RANBP2: variants seen among roughly 807,000 people sequenced by gnomAD.
RANBP2 encodes RAN binding protein 2.
In RANBP2, 57 loss-of-function variants were observed where a neutral mutation model predicts 303.6. The observed-to-expected ratio is 0.19, with a 90% CI of 0.15 to 0.23. The LOEUF is 0.23. Ranked by LOEUF, RANBP2 falls within the 10% of genes least tolerant of loss-of-function variation. The pLI, the probability that RANBP2 is intolerant of heterozygous loss-of-function variation, is 1.00. For synonymous variants in RANBP2, 1,167 were observed against 1,301.5 expected, an observed-to-expected ratio of 0.90 and a Z score of 2.23; for missense variants, 3,138 against 3,780.8, an observed-to-expected ratio of 0.83 and a Z score of 4.46.
the RANBP2 span, chr2:109,437,082 A>G: frequency 6.2e-7 from 1 of 1,613,630 alleles, no homozygotes. Flanking sequence ...CGCCCCCAAC[A>G]GGCAGCTGTC....
At chr2:109,286,280 A>C in the RANBP2 span, among the ~76,000 whole-genome samples, 2 of 152,190 alleles carry the variant, frequency 1.3e-5, no homozygotes, top group Non-Finnish European at 2.9e-5. Context: ...CCTTATGATG[A>C]TGGAAAAGTG....
the RANBP2 span, among the ~76,000 whole-genome samples, chr2:109,073,800 G>C: frequency 1.3e-5 from 2 of 151,008 alleles, no homozygotes; most frequent in African/African-American, 4.8e-5. Context: ...TATGATATCA[G>C]TAACACAGAA....
chr2:109,646,415 C>T, the RANBP2 span, among the ~76,000 whole-genome samples: 1 of 152,138 alleles, frequency 6.6e-6, no homozygotes, highest in Admixed American at 6.6e-5. Flanking sequence ...CTGCATCATG[C>T]CCAACCACAC....
chr2:109,282,976 A>G, the RANBP2 span, among the ~76,000 whole-genome samples: 1 of 151,968 alleles, frequency 6.6e-6, no homozygotes, highest in East Asian at 1.9e-4. Context: ...CCTGGGTCCT[A>G]CTCCCTCACG....
chr2:108,788,293 G>C (rs1487306723), downstream of RANBP2, among the ~76,000 whole-genome samples: 2 of 151,310 alleles, frequency 1.3e-5, no homozygotes, highest in South Asian at 2.1e-4. Context: ...GGTGGCGGGC[G>C]CCTGTAATCC....
the RANBP2 span, among the ~76,000 whole-genome samples, chr2:109,370,217 CTCTG>C: frequency 2.7e-5 from 4 of 149,134 alleles, no homozygotes; most frequent in African/African-American, 5.1e-5. Context: ...CTGTCTCTGT[CTCTG>C]TCTCTGTCTC....
At chr2:109,249,406 G>C in the RANBP2 span, among the ~76,000 whole-genome samples, 1 of 152,130 alleles carries the variant, frequency 6.6e-6, no homozygotes, top group Non-Finnish European at 1.5e-5. Flanking sequence ...AGAGGATCTG[G>C]AGAATTGTTG....
the RANBP2 span, among the ~76,000 whole-genome samples, chr2:109,469,765 A>G: frequency 6.6e-6 from 1 of 152,196 alleles, no homozygotes; most frequent in African/African-American, 2.4e-5. Flanking sequence ...AAGAACCCCC[A>G]GATCTCATGA....
the RANBP2 span, among the ~76,000 whole-genome samples, chr2:109,242,584 C>T: frequency 6.6e-6 from 1 of 152,196 alleles, no homozygotes; most frequent in Non-Finnish European, 1.5e-5. Flanking sequence ...CCCAGGCCGG[C>T]CTAGCCCAAA....
chr2:109,773,067 A>G, the RANBP2 span, among the ~76,000 whole-genome samples: 1 of 152,252 alleles, frequency 6.6e-6, no homozygotes, highest in Non-Finnish European at 1.5e-5. Context: ...GAAGTTTACT[A>G]AAGATCCTGA....
chr2:109,617,731 A>T, the RANBP2 span: 1 of 166,840 alleles, frequency 6.0e-6, no homozygotes, highest in Non-Finnish European at 1.5e-5. Context: ...TTAAAGATGG[A>T]TGAAAGGCCA....
chr2:109,665,147 A>G, the RANBP2 span: 1 of 152,254 alleles, frequency 6.6e-6, no homozygotes, highest in African/African-American at 2.4e-5. Flanking sequence ...AAATGCAATA[A>G]TTATCAGAAA....
At chr2:109,403,672 G>C in the RANBP2 span, among the ~76,000 whole-genome samples, 1,053 of 152,342 alleles carry the variant, frequency 6.9e-3, 8 homozygotes, top group East Asian at 0.041. Context: ...TCAATGCAGG[G>C]TGCTGGGGTG....
chr2:108,809,447 GTTGT>G, the RANBP2 span, among the ~76,000 whole-genome samples: 3 of 104,856 alleles, frequency 2.9e-5, no homozygotes, highest in African/African-American at 7.7e-5. Context: ...AACATGAAAT[GTTGT>G]GTGTGTGTGT....
At chr2:108,974,189 G>A in the RANBP2 span, among the ~76,000 whole-genome samples, 2 of 151,518 alleles carry the variant, frequency 1.3e-5, no homozygotes, top group African/African-American at 4.9e-5. Flanking sequence ...AATTAGCTGG[G>A]CGTGGTGGCA....
chr2:109,565,774 C>A, the RANBP2 span: 5 of 1,613,778 alleles, frequency 3.1e-6, no homozygotes, highest in Non-Finnish European at 4.2e-6. Flanking sequence ...TTGTACAACA[C>A]CCCAAGGGTA....
chr2:109,290,572 G>A, the RANBP2 span, among the ~76,000 whole-genome samples: 1 of 152,218 alleles, frequency 6.6e-6, no homozygotes, highest in African/African-American at 2.4e-5. Flanking sequence ...CCCGCCCAAT[G>A]CCTATCATTT....
the RANBP2 span, among the ~76,000 whole-genome samples, chr2:108,943,221 T>C: frequency 6.6e-6 from 1 of 152,140 alleles, no homozygotes; most frequent in South Asian, 2.1e-4. Flanking sequence ...GGGAAGGCCT[T>C]GAGAAGGGCA....
chr2:108,852,261 C>T, the RANBP2 span, among the ~76,000 whole-genome samples: 1 of 152,184 alleles, frequency 6.6e-6, no homozygotes, highest in Non-Finnish European at 1.5e-5. Context: ...TAAGATACAA[C>T]TCTTCTTTAT....
Sources: allele counts gnomAD v4.1 joint callset (sites outside exome capture counted in the v4.1 genomes callset), GRCh38; gene constraint gnomAD v4.1.1; transcripts MANE v1.5; gene names NCBI Gene and HGNC (gene_info 2026-07-23, HGNC 2026-07-21).